ARHGAP25: variants seen among roughly 807,000 people sequenced by gnomAD.
ARHGAP25 encodes rho GTPase-activating protein 25.
A neutral mutation model predicts 71.0 loss-of-function variants in ARHGAP25; 34 were observed. That is an observed-to-expected ratio of 0.48 (90% CI 0.36 to 0.64). The LOEUF is 0.64. ARHGAP25 is among the 30% of genes least tolerant of loss of function. The pLI, the probability that ARHGAP25 is intolerant of heterozygous loss-of-function variation, is 0.00. For missense variants in ARHGAP25, 706 were observed against 805.1 expected (o/e 0.88, Z 1.49); for synonymous variants, 282 against 296.5 (o/e 0.95, Z 0.50).
In ARHGAP25 at chr2:68,736,939, T is replaced by C. The variant is rs79328986; in HGVS notation, c.61+1679T>C. On this transcript the variant is annotated intron_variant, in intron 1 of 10. Transcript: ENST00000409202. ...CCCCAGCAGACAGTTTTCACCCATTTAGTATAGGGCACAGTGCTTGTTCTT... is the reference window on the plus strand; with the variant it reads ...CCCCAGCAGACAGTTTTCACCCATTCAGTATAGGGCACAGTGCTTGTTCTT... Among the ~76,000 whole-genome samples, 12 of 152,240 alleles carry C rather than the reference T, an allele frequency of 7.9e-5. No homozygotes were observed. The East Asian group carries it at 2.3e-3, about 29-fold the overall frequency.
chr2:68,726,342 T>C (rs1255794423), intron 2 of ARHGAP25, among the ~76,000 whole-genome samples: 2 of 152,220 alleles, frequency 1.3e-5, no homozygotes, highest in Admixed American at 1.3e-4. Flanking sequence ...CAGCTTCACG[T>C]GGTTCAAATT....
rs1039520678 is a variant in ARHGAP25 at position 68,734,897 on chromosome 2, A to C, written c.-303A>C. Reference sequence around the variant, plus strand: ...TCCCATGACGCAGAGGGAAGTGTCAACTGGGATATTTCTGGTAAAACTGAA... The same window carrying C: ...TCCCATGACGCAGAGGGAAGTGTCACCTGGGATATTTCTGGTAAAACTGAA... On this transcript the variant is annotated 5_prime_UTR_variant, in exon 1 of 11. Transcript: ENST00000409202. 4 of 429,034 alleles carry C rather than the reference A, an allele frequency of 9.3e-6. No homozygotes were observed. The highest frequency in any genetic ancestry group is 4.1e-5 in the Admixed American group (1 of 24,598). The allele number at this position is 429,034 out of a possible 1,614,324, so 26.6% of individuals were successfully genotyped here.
intron 1 of ARHGAP25, among the ~76,000 whole-genome samples, chr2:68,737,551 A>G (rs1675285365): frequency 6.6e-6 from 1 of 152,194 alleles, no homozygotes; most frequent in South Asian, 2.1e-4. Flanking sequence ...CTTTACATAT[A>G]GCCAAGTGTT....
rs984442987 is a variant in ARHGAP25, at chr2:68,764,433, C to T, written c.62-10788C>T. 3.9e-5 allele frequency among the ~76,000 whole-genome samples: 6 copies of T among 152,252 alleles called. No individual in the cohort carries two copies. In the South Asian group the frequency reaches 6.2e-4, roughly 16 times the overall value. On this transcript the variant is annotated intron_variant, in intron 1 of 10. Transcript: ENST00000409202. ...CAAGCTTATGTGTAACTTTTTAAGA[C>T]GCATCCAGTTAAGGGGTTAAGGGAG...
Position 68,819,112 on chromosome 2 carries a change from C to T in ARHGAP25, c.1004-11C>T. The stretch of plus-strand genomic sequence containing the variant: ...ACACTACACAACAGATCTTTTTCTT[C>T]TGTCTTTCAGGGACTCCTCAGATCC... On this transcript the variant is annotated splice_polypyrimidine_tract_variant and intron_variant, in intron 8 of 10. Transcript: ENST00000409202. 3 of 1,529,510 alleles carry T rather than the reference C, an allele frequency of 2.0e-6. No individual in the cohort carries two copies. Among genetic ancestry groups the T allele is most frequent in the Admixed American group, 2.1e-5 (1 of 46,678 alleles). The allele number at this position is 1,529,510 out of a possible 1,614,324, so 94.7% of individuals were successfully genotyped here. A position where few individuals can be genotyped will look rare whatever the true frequency, so the allele number is the denominator to read the frequency against.
intron 2 of ARHGAP25, among the ~76,000 whole-genome samples, chr2:68,725,336 A>T (rs542466779): frequency 7.3e-4 from 111 of 152,130 alleles, no homozygotes; most frequent in Non-Finnish European, 1.1e-3. Flanking sequence ...TAATAATAAT[A>T]ATTATTGAAA....
intron 2 of ARHGAP25, among the ~76,000 whole-genome samples, chr2:68,712,292 C>T (rs7581751): frequency 0.24 from 35,779 of 152,116 alleles, 4,467 homozygotes; most frequent in East Asian, 0.37. Context: ...TTCATATGTT[C>T]GTTGGCCACA....
intron 1 of ARHGAP25, among the ~76,000 whole-genome samples, chr2:68,740,781 T>G (rs187994878): frequency 6.6e-6 from 1 of 152,172 alleles, no homozygotes; most frequent in Admixed American, 6.5e-5. Context: ...TTGAACAAAA[T>G]GAGTTGTTCT....
At chr2:68,743,948 C>T (rs1044341548) in intron 1 of ARHGAP25, among the ~76,000 whole-genome samples, 1 of 152,170 alleles carries the variant, frequency 6.6e-6, no homozygotes, top group Admixed American at 6.5e-5. Context: ...AGAAGCCACA[C>T]AATTTATGGC....
chr2:68,795,948 G>C (rs1389835378), intron 4 of ARHGAP25, among the ~76,000 whole-genome samples: 1 of 152,134 alleles, frequency 6.6e-6, no homozygotes, highest in African/African-American at 2.4e-5. Context: ...GCTCCGTGTT[G>C]AGTGCATATG....
At chr2:68,755,858 A>T (rs1462743180) in intron 1 of ARHGAP25, among the ~76,000 whole-genome samples, 3 of 152,236 alleles carry the variant, frequency 2.0e-5, no homozygotes, top group African/African-American at 7.2e-5. Context: ...ATTTTACGTT[A>T]AGATATTTAC....
chr2:68,728,514 A>T (rs1674934501), intron 2 of ARHGAP25, among the ~76,000 whole-genome samples: 1 of 133,600 alleles, frequency 7.5e-6, no homozygotes, highest in Non-Finnish European at 1.6e-5. Context: ...TTTTTTAATA[A>T]AAAAAAAACT....
chr2:68,728,932 T>A (rs1674943543), intron 2 of ARHGAP25, among the ~76,000 whole-genome samples: 1 of 152,226 alleles, frequency 6.6e-6, no homozygotes, highest in South Asian at 2.1e-4. Context: ...AGAAATAAAG[T>A]TCTGATACAT....
intron 5 of ARHGAP25, among the ~76,000 whole-genome samples, chr2:68,812,415 C>G (rs1300754819): frequency 6.6e-6 from 1 of 152,204 alleles, no homozygotes; most frequent in Non-Finnish European, 1.5e-5. Context: ...ACAGCCGTGC[C>G]TCTTTCAGTC....
intron 9 of ARHGAP25, among the ~76,000 whole-genome samples, chr2:68,821,906 GTTTTTT>G (rs59964574): frequency 1.1e-4 from 9 of 81,636 alleles, no homozygotes; most frequent in African/African-American, 3.6e-4. Flanking sequence ...CTTTTTGCTA[GTTTTTT>G]TTTTTTTTTT....
At chr2:68,794,576 A>G (rs1310285974) in intron 4 of ARHGAP25, among the ~76,000 whole-genome samples, 2 of 151,966 alleles carry the variant, frequency 1.3e-5, no homozygotes, top group Admixed American at 6.6e-5. Flanking sequence ...ACATTTATTG[A>G]TTTGTGTATA....
At chr2:68,740,725 A>G (rs1360849973) in intron 1 of ARHGAP25, among the ~76,000 whole-genome samples, 1 of 152,254 alleles carries the variant, frequency 6.6e-6, no homozygotes, top group Non-Finnish European at 1.5e-5. Context: ...ACATTTCTGA[A>G]CATGCATATA....
chr2:68,815,329 A>C (rs6714065), intron 6 of ARHGAP25, among the ~76,000 whole-genome samples: 83,011 of 151,610 alleles, frequency 0.55, 23,177 homozygotes, highest in East Asian at 0.87. Flanking sequence ...AAGAAGGTCT[A>C]TATCTACGGA....
intron 3 of ARHGAP25, among the ~76,000 whole-genome samples, 197 bp downstream of exon 3, chr2:68,782,517 A>C (rs1200663785): frequency 6.6e-6 from 1 of 152,218 alleles, no homozygotes; most frequent in Non-Finnish European, 1.5e-5. Context: ...TGCTTGAATA[A>C]TGCCCATGAA....
Sources: gnomAD v4.1 joint callset for allele counts (sites outside exome capture counted in the v4.1 genomes callset) on GRCh38, gnomAD v4.1.1 for gene constraint, MANE v1.5 for transcripts, NCBI Gene and HGNC (gene_info 2026-07-23, HGNC 2026-07-21) for gene names.